GRSF1: variants seen among roughly 807,000 people sequenced by gnomAD.
GRSF1 encodes the protein G-rich sequence factor 1.
In GRSF1, 50 loss-of-function variants were observed where a neutral mutation model predicts 51.1. The observed-to-expected ratio is 0.98, with a 90% CI of 0.78 to 1.24. GRSF1 has a LOEUF of 1.24. GRSF1 is among the 50% of genes most tolerant of loss of function. The pLI is 0.00. For missense variants in GRSF1, 700 were observed against 639.7 expected (o/e 1.09, Z -1.02); for synonymous variants, 293 against 253.3 (o/e 1.16, Z -1.49).
At chr4:70,827,392 T>G (rs957634616) in intron 6 of GRSF1, among the ~76,000 whole-genome samples, 2 of 152,238 alleles carry the variant, frequency 1.3e-5, no homozygotes, top group African/African-American at 4.8e-5. Flanking sequence ...ATCACATTTT[T>G]ACTACCCAGC....
chr4:70,828,228 G>A (rs1345500815), intron 5 of GRSF1, among the ~76,000 whole-genome samples, 192 bp from the exon 6 acceptor site: 1 of 152,172 alleles, frequency 6.6e-6, no homozygotes, highest in Non-Finnish European at 1.5e-5. Context: ...GTAGGTCACT[G>A]ATTTAAGTTT....
In GRSF1 at chr4:70,839,777, A is replaced by G. The variant is rs1734391200; in HGVS notation, c.51T>C (p.Cys17=). ...VLGALLRGCG[C]NCSSCRRTGA... is the part of the protein sequence containing the mutation. ...CGGTGCGCCGGCAGCTGCTGCAGTT[A>G]CAGCCGCAGCCCCGGAGCAGCGCCC... The change falls in exon 1 of 10, where the codon TGT becomes TGC. Residue 17 remains cysteine, a synonymous_variant. Transcript: ENST00000254799. The G allele has an allele frequency of 1.3e-6, 2 of 1,505,530 alleles. No homozygotes were observed. Among genetic ancestry groups the G allele is most frequent in the South Asian group, 2.4e-5 (2 of 82,262 alleles). 93.3% of individuals were successfully genotyped at this position (1,505,530 alleles called of 1,614,324 possible).
chr4:70,816,859 G>A lies in GRSF1; in HGVS notation c.*4028C>T, dbSNP rs1036292764. The A allele has an allele frequency of 3.9e-5, 6 of 152,212 alleles. No homozygotes were observed. Among genetic ancestry groups the A allele is most frequent in the African/African-American group, 1.4e-4 (6 of 41,460 alleles). 9.4% of individuals were successfully genotyped at this position (152,212 alleles called of 1,614,324 possible). A position where few individuals can be genotyped will look rare whatever the true frequency, so the allele number is the denominator to read the frequency against. ...TGCAGGAGGCAGGCTATGGGATAAAGCATGGCAAAATGCTGCTTGTACAAT... is the reference window on the plus strand; with the variant it reads ...TGCAGGAGGCAGGCTATGGGATAAAACATGGCAAAATGCTGCTTGTACAAT... On this transcript the variant is annotated 3_prime_UTR_variant, in exon 10 of 10. Transcript: ENST00000254799.
chr4:70,837,933 A>T (rs1417613847), intron 1 of GRSF1, among the ~76,000 whole-genome samples: 1 of 151,566 alleles, frequency 6.6e-6, no homozygotes, highest in African/African-American at 2.4e-5. Context: ...TATAATTTTC[A>T]TTAAGGCTTA....
In GRSF1 at chr4:70,836,277, G is replaced by C; in HGVS notation, c.395C>G (p.Pro132Arg). Residue 132 changes from proline to arginine, a missense_variant, in exon 2 of 10, where the codon CCC (proline) becomes CGC (arginine). Pro to Arg is a moderately radical substitution (Grantham distance 103). Coordinates refer to ENST00000254799, the MANE Select transcript of GRSF1 (RefSeq NM_002092.4). Reference sequence around the variant, plus strand: ...GGACGGGGCCAATTCATACTCAGGGGGTGGTGGAAGGTCTTCCAGGTAAGT... The same window carrying C: ...GGACGGGGCCAATTCATACTCAGGGCGTGGTGGAAGGTCTTCCAGGTAAGT... The part of the protein sequence containing the change: ...KTTYLEDLPP[P>R]PEYELAPSKL... 6.3e-7 allele frequency: 1 copy of C among 1,596,396 alleles called. No homozygotes were observed. Among genetic ancestry groups the C allele is most frequent in the South Asian group, 1.2e-5 (1 of 86,800 alleles).
intron 9 of GRSF1, 53 bp downstream of exon 9, chr4:70,824,241 A>G (rs1733642971): frequency 1.3e-6 from 1 of 771,776 alleles, no homozygotes; most frequent in Admixed American, 2.1e-5. Flanking sequence ...AAGTACTGGG[A>G]TTACAGGTGT....
upstream of GRSF1, chr4:70,840,086 C>CCCGGGGAAGTGGG: frequency 3.1e-6 from 1 of 320,410 alleles, no homozygotes; most frequent in Non-Finnish European, 5.6e-6. Context: ...TTGGGCGGGG[C>CCCGGGGAAGTGGG]TGCCCATGGT....
rs2148832570 is a variant in GRSF1, at chr4:70,819,232, T to A, written c.*1655A>T. ...AATTCCTCACAGTAGGCCCCACAGATCTTTTCCACAGCAAATCAGATACCA... is the reference window on the plus strand; with the variant it reads ...AATTCCTCACAGTAGGCCCCACAGAACTTTTCCACAGCAAATCAGATACCA... On this transcript the variant is annotated 3_prime_UTR_variant, in exon 10 of 10. Transcript: ENST00000254799. 6.6e-6 allele frequency: 1 copy of A among 152,258 alleles called. No individual in the cohort carries two copies. The highest frequency in any genetic ancestry group is 3.4e-3 in the Middle Eastern group (1 of 294). The allele number at this position is 152,258 out of a possible 1,614,324, so 9.4% of individuals were successfully genotyped here. A position where few individuals can be genotyped will look rare whatever the true frequency, so the allele number is the denominator to read the frequency against.
chr4:70,823,768 G>C (rs1321761648), intron 9 of GRSF1, among the ~76,000 whole-genome samples: 1 of 151,968 alleles, frequency 6.6e-6, no homozygotes, highest in Non-Finnish European at 1.5e-5. Context: ...TACTTGGGAG[G>C]CTGAAGTGAG....
rs765411501 is a variant in GRSF1 at position 70,826,123 on chromosome 4, C to T, written c.1257+1G>A. 14 of 1,608,882 alleles carry T rather than the reference C, an allele frequency of 8.7e-6. No individual in the cohort carries two copies. The highest frequency in any genetic ancestry group is 6.8e-5 in the Admixed American group (4 of 59,066). ...AGATTGGATATCTTACTGCCACACA[C>T]GTTTATAATGTCTTGGGCATTGGCT... is the stretch of plus-strand genomic sequence containing the variant. On this transcript the variant is annotated splice_donor_variant, in intron 7 of 9. Coordinates refer to ENST00000254799, the MANE Select transcript of GRSF1 (RefSeq NM_002092.4). LOFTEE classifies it high-confidence loss of function.
upstream of GRSF1, among the ~76,000 whole-genome samples, chr4:70,842,897 GT>G (rs1734485292): frequency 6.6e-6 from 1 of 151,978 alleles, no homozygotes; most frequent in African/African-American, 2.4e-5. Context: ...TTAGCTGGGC[GT>G]GGTGACACCT....
chr4:70,838,715 A>C (rs1194344158), intron 1 of GRSF1, among the ~76,000 whole-genome samples: 1 of 152,166 alleles, frequency 6.6e-6, no homozygotes, highest in Non-Finnish European at 1.5e-5. Flanking sequence ...TAAAAAAATA[A>C]AGAAAAAATG....
At chr4:70,837,873 C>G (rs1158583398) in intron 1 of GRSF1, among the ~76,000 whole-genome samples, 1 of 151,598 alleles carries the variant, frequency 6.6e-6, no homozygotes, top group East Asian at 2.0e-4. Context: ...CTCCTGACCT[C>G]AGGTGATCCA....
At chr4:70,828,485 C>T (rs1733822448) in intron 5 of GRSF1, among the ~76,000 whole-genome samples, 1 of 152,256 alleles carries the variant, frequency 6.6e-6, no homozygotes, top group Non-Finnish European at 1.5e-5. Flanking sequence ...CAGAACTTCA[C>T]TAAAAGGCTG....
Position 70,833,105 on chromosome 4 carries a change from T to C in GRSF1, c.670+13A>G. The C allele has an allele frequency of 6.2e-7, 1 of 1,608,188 alleles. No individual in the cohort carries two copies. The highest frequency in any genetic ancestry group is 1.3e-5 in the African/African-American group (1 of 74,824). Reference sequence around the variant, plus strand: ...GCAATGATCCCAAAAAGCCATAATCTGACTTCACATACCTTCCACATACCG... The same window carrying C: ...GCAATGATCCCAAAAAGCCATAATCCGACTTCACATACCTTCCACATACCG... On this transcript the variant is annotated intron_variant, in intron 3 of 9. Coordinates refer to ENST00000254799, the MANE Select transcript of GRSF1 (RefSeq NM_002092.4).
At chr4:70,837,760 C>T (rs370986116) in intron 1 of GRSF1, among the ~76,000 whole-genome samples, 29 of 150,422 alleles carry the variant, frequency 1.9e-4, no homozygotes, top group Non-Finnish European at 3.3e-4. Flanking sequence ...CTCAGCCTCC[C>T]GGGTAGCTGG....
intron 5 of GRSF1, among the ~76,000 whole-genome samples, chr4:70,829,703 G>A (rs749025628): frequency 1.7e-4 from 26 of 152,156 alleles, no homozygotes; most frequent in Non-Finnish European, 3.5e-4. Flanking sequence ...TACAAGGAAA[G>A]CTGAGATGGC....
intron 5 of GRSF1, among the ~76,000 whole-genome samples, chr4:70,829,706 G>A (rs891060133): frequency 2.0e-5 from 3 of 152,186 alleles, no homozygotes; most frequent in African/African-American, 7.2e-5. Context: ...AAGGAAAGCT[G>A]AGATGGCAGG....
At chr4:70,823,972 C>T (rs1188622159) in intron 9 of GRSF1, among the ~76,000 whole-genome samples, 10 of 22,536 alleles carry the variant, frequency 4.4e-4, no homozygotes, top group Non-Finnish European at 2.0e-3. Flanking sequence ...AGTTGTATCT[C>T]TCTCTTTTTT....
Sources: gnomAD v4.1 joint callset for allele counts (sites outside exome capture counted in the v4.1 genomes callset) on GRCh38, gnomAD v4.1.1 for gene constraint, MANE v1.5 for transcripts, NCBI Gene and HGNC (gene_info 2026-07-23, HGNC 2026-07-21) for gene names.